DGKB: variants seen among roughly 807,000 people sequenced by gnomAD.
DGKB encodes the protein 90 kDa diacylglycerol kinase.
A neutral mutation model predicts 114.3 loss-of-function variants in DGKB; 67 were observed. The observed-to-expected ratio is 0.59, with a 90% CI of 0.48 to 0.72. The LOEUF (loss-of-function observed/expected upper bound fraction) is 0.72. DGKB is among the 30% of genes least tolerant of loss of function. The pLI is 0.00. For synonymous variants in DGKB, 398 were observed against 323.1 expected, an observed-to-expected ratio of 1.23 and a Z score of -2.49; for missense variants, 907 against 975.2, an observed-to-expected ratio of 0.93 and a Z score of 0.93.
chr7:14,607,468 C>T lies in DGKB; in HGVS notation c.1399G>A (p.Val467Ile), dbSNP rs763674046. 42 of 1,590,918 alleles carry T rather than the reference C, an allele frequency of 2.6e-5. No homozygotes were observed. Among genetic ancestry groups the T allele is most frequent in the Non-Finnish European group, 3.4e-5 (39 of 1,160,902 alleles). Residue 467 changes from valine to isoleucine, a missense_variant, in exon 17 of 26, where the codon GTT becomes ATT. Coordinates refer to ENST00000402815, the MANE Select transcript of DGKB (RefSeq NM_001350709.2). ...KFQYLLNPRQ[V>I]YSLSGNGPMP... ...GGTCCATTTCCAGAAAGACTGTAAA[C>T]CTGACGAGGATTTAATAGATACTGG...
chr7:14,782,817 G>T (rs888564419), intron 2 of DGKB, among the ~76,000 whole-genome samples: 3 of 151,880 alleles, frequency 2.0e-5, no homozygotes, highest in African/African-American at 7.3e-5. Flanking sequence ...ACCTCAGTTT[G>T]CTCACATGAT....
At position 14,461,120 on chromosome 7, in the gene DGKB, T is replaced by C. The variant is rs147233297; in HGVS notation, c.1835+17041A>G. On this transcript the variant is annotated intron_variant, in intron 21 of 25. Coordinates refer to ENST00000402815, the MANE Select transcript of DGKB (RefSeq NM_001350709.2). The stretch of plus-strand genomic sequence containing the variant: ...AAAGCATTGTTTACAGGGAAACTTA[T>C]AGCACTGAATGCCCACAGGAAAGAG... 4.6e-5 allele frequency among the ~76,000 whole-genome samples: 7 copies of C among 152,290 alleles called. No homozygotes were observed. In the East Asian group the frequency reaches 5.8e-4, roughly 13 times the overall value.
At chr7:14,390,128 C>T (rs1489643794) in intron 21 of DGKB, among the ~76,000 whole-genome samples, 2 of 152,118 alleles carry the variant, frequency 1.3e-5, no homozygotes, top group Non-Finnish European at 2.9e-5. Flanking sequence ...GCTACTTGCC[C>T]ATTTCTGAGT....
At chr7:14,648,494 T>C (rs1272994131) in intron 13 of DGKB, among the ~76,000 whole-genome samples, 1 of 118,466 alleles carries the variant, frequency 8.4e-6, no homozygotes, top group Non-Finnish European at 1.8e-5. Flanking sequence ...AACCCATCTG[T>C]ACATCACCAT....
chr7:14,730,488 T>C (rs1830744098), intron 5 of DGKB, among the ~76,000 whole-genome samples: 1 of 152,210 alleles, frequency 6.6e-6, no homozygotes, highest in South Asian at 2.1e-4. Flanking sequence ...TGGGTTTTCA[T>C]GCGATAAGGG....
intron 20 of DGKB, among the ~76,000 whole-genome samples, chr7:14,480,834 A>G (rs75712308): frequency 0.022 from 3,282 of 152,200 alleles, 94 homozygotes; most frequent in African/African-American, 0.073. Context: ...ATCATTCTCT[A>G]TAGCAATTGG....
intron 17 of DGKB, among the ~76,000 whole-genome samples, chr7:14,603,795 T>C (rs1164993840): frequency 1.3e-5 from 2 of 152,134 alleles, no homozygotes; most frequent in African/African-American, 4.8e-5. Context: ...AAAGTTATCT[T>C]GTATTTTATT....
chr7:14,309,510 A>T (rs962641803), intron 23 of DGKB, among the ~76,000 whole-genome samples: 1 of 152,220 alleles, frequency 6.6e-6, no homozygotes, highest in African/African-American at 2.4e-5. Flanking sequence ...GGTTTATTCC[A>T]TGATCAGAAC....
At chr7:14,932,731 T>C (rs77500294) in intron 1 of DGKB, among the ~76,000 whole-genome samples, 1,873 of 152,264 alleles carry the variant, frequency 0.012, 50 homozygotes, top group African/African-American at 0.043. Context: ...GAAGCAGCTA[T>C]AGCACCTAAG....
At chr7:14,351,024 A>T (rs542727575) in intron 21 of DGKB, among the ~76,000 whole-genome samples, 7 of 152,224 alleles carry the variant, frequency 4.6e-5, no homozygotes, top group Admixed American at 1.3e-4. Flanking sequence ...GTTATTCAGT[A>T]ACTTTATTTT....
chr7:14,499,247 C>T (rs987896210), intron 20 of DGKB, among the ~76,000 whole-genome samples: 1 of 151,582 alleles, frequency 6.6e-6, no homozygotes, highest in African/African-American at 2.4e-5. Flanking sequence ...AGAAAGATAA[C>T]TAAGTTTGTT....
intron 20 of DGKB, among the ~76,000 whole-genome samples, chr7:14,530,761 T>C (rs1015017200): frequency 2.0e-5 from 3 of 151,556 alleles, no homozygotes; most frequent in African/African-American, 7.2e-5. Flanking sequence ...AAATCTTTCC[T>C]TTGTCTCTCA....
At chr7:14,638,516 C>A (rs1024189010) in intron 13 of DGKB, among the ~76,000 whole-genome samples, 1 of 152,060 alleles carries the variant, frequency 6.6e-6, no homozygotes, top group Non-Finnish European at 1.5e-5. Flanking sequence ...TTTTCAAAAG[C>A]TGACTGAATG....
At chr7:14,471,551 A>T (rs527677276) in intron 21 of DGKB, among the ~76,000 whole-genome samples, 4 of 150,952 alleles carry the variant, frequency 2.6e-5, no homozygotes, top group African/African-American at 9.7e-5. Context: ...GTAATCTCAT[A>T]TTATTTATTT....
At chr7:14,534,133 T>C (rs1792037797) in intron 20 of DGKB, among the ~76,000 whole-genome samples, 1 of 151,764 alleles carries the variant, frequency 6.6e-6, no homozygotes, top group South Asian at 2.1e-4. Flanking sequence ...AATAGAAAAA[T>C]AATAAGTAAA....
chr7:14,793,374 T>C (rs1562549818), intron 2 of DGKB, among the ~76,000 whole-genome samples: 1 of 152,082 alleles, frequency 6.6e-6, no homozygotes, highest in Non-Finnish European at 1.5e-5. Flanking sequence ...TTCCTGTCTT[T>C]TCCCCTACGC....
intron 21 of DGKB, among the ~76,000 whole-genome samples, chr7:14,469,432 A>C (rs1780947528): frequency 1.3e-5 from 2 of 152,128 alleles, no homozygotes; most frequent in Non-Finnish European, 2.9e-5. Context: ...GAGAATAAAA[A>C]ATGTGGTGTG....
chr7:14,526,272 A>G (rs529993571), intron 20 of DGKB, among the ~76,000 whole-genome samples: 52 of 152,244 alleles, frequency 3.4e-4, no homozygotes, highest in African/African-American at 1.3e-3. Flanking sequence ...GCTATACAGT[A>G]TTGCACATTA....
At chr7:14,391,521 T>G (rs73064064) in intron 21 of DGKB, among the ~76,000 whole-genome samples, 4 of 113,856 alleles carry the variant, frequency 3.5e-5, no homozygotes, top group Non-Finnish European at 5.6e-5. Flanking sequence ...GAAAAAAAAA[T>G]AAAAAAAAAA....
Sources: gnomAD v4.1 joint callset for allele counts (sites outside exome capture counted in the v4.1 genomes callset) on GRCh38, gnomAD v4.1.1 for gene constraint, MANE v1.5 for transcripts, NCBI Gene and HGNC (gene_info 2026-07-23, HGNC 2026-07-21) for gene names.